Variants in CCDC141 observed in about 807,000 individuals in gnomAD.
CCDC141 encodes the protein coiled-coil domain containing 141.
In CCDC141, 168 loss-of-function variants were observed where a neutral mutation model predicts 181.0. The ratio of observed to expected loss-of-function variants is 0.93; its 90% CI spans 0.82 to 1.05. The LOEUF is 1.05. Among genes scored for constraint, CCDC141 ranks in the 50% least tolerant of loss-of-function variants. The probability of loss-of-function intolerance (pLI) is 0.00; values close to 1 mark genes in which losing one functional copy is unlikely to be tolerated. For missense variants in CCDC141, 1,902 were observed against 1,788.5 expected, an observed-to-expected ratio of 1.06 and a Z score of -1.14; for synonymous variants, 666 against 642.3, an observed-to-expected ratio of 1.04 and a Z score of -0.56.
At chr2:178,909,119 C>A (rs755294035) in intron 7 of CCDC141, among the ~76,000 whole-genome samples, 2 of 152,166 alleles carry the variant, frequency 1.3e-5, no homozygotes, top group Admixed American at 6.5e-5. Flanking sequence ...TCATTGAATG[C>A]ATGTGAGATA....
Position 179,050,136 on chromosome 2 carries a change from G to A in CCDC141, c.-195C>T, listed in dbSNP as rs1403126116. 1.1e-5 allele frequency: 8 copies of A among 750,404 alleles called. No homozygotes were observed. 46.5% of individuals were successfully genotyped at this position (750,404 alleles called of 1,614,324 possible). On this transcript the variant is annotated 5_prime_UTR_variant, in exon 1 of 24. Transcript: ENST00000443758. The stretch of plus-strand genomic sequence containing the variant: ...TGAGTTTATCGTGAGAGAGAAAGGA[G>A]CGAACGAGAGAGAATTGCCACGCCC...
At chr2:178,958,758 C>T (rs999608609) in intron 5 of CCDC141, among the ~76,000 whole-genome samples, 3 of 151,706 alleles carry the variant, frequency 2.0e-5, no homozygotes, top group African/African-American at 4.8e-5. Flanking sequence ...GGATGATTAC[C>T]GCTATAGTCA....
At chr2:178,836,650 CA>C (rs531004084) in intron 23 of CCDC141, 168 of 393,934 alleles carry the variant, frequency 4.3e-4, no homozygotes, top group African/African-American at 3.0e-3. Flanking sequence ...AACCAACCTA[CA>C]GTGCTTTGGA....
downstream of CCDC141, among the ~76,000 whole-genome samples, chr2:178,829,016 G>GT (rs1188831019): frequency 6.6e-6 from 1 of 152,130 alleles, no homozygotes; most frequent in African/African-American, 2.4e-5. Flanking sequence ...AAGTATTGAT[G>GT]TTTACATGCA....
At chr2:178,982,412 T>C (rs1029634585) in intron 2 of CCDC141, among the ~76,000 whole-genome samples, 1 of 152,166 alleles carries the variant, frequency 6.6e-6, no homozygotes, top group Non-Finnish European at 1.5e-5. Context: ...GAAAGACTTG[T>C]ACATTGAAAA....
chr2:178,911,537 T>A (rs1003055557), intron 7 of CCDC141, among the ~76,000 whole-genome samples: 1 of 152,238 alleles, frequency 6.6e-6, no homozygotes, highest in African/African-American at 2.4e-5. Flanking sequence ...CCATTTATTT[T>A]ACACTCCAAC....
intron 2 of CCDC141, among the ~76,000 whole-genome samples, chr2:179,017,342 ACTT>A (rs1437404470): frequency 6.6e-6 from 1 of 152,144 alleles, no homozygotes; most frequent in Non-Finnish European, 1.5e-5. Flanking sequence ...ATGAGCTTCC[ACTT>A]CTTACTTACA....
In CCDC141 at chr2:178,865,978, T is replaced by G; in HGVS notation, c.2575-62A>C. 3 of 1,255,174 alleles carry G rather than the reference T, an allele frequency of 2.4e-6. No individual in the cohort carries two copies. In the South Asian group the frequency reaches 8.8e-5, roughly 37 times the overall value. 77.8% of individuals were successfully genotyped at this position (1,255,174 alleles called of 1,614,324 possible). On this transcript the variant is annotated intron_variant, in intron 16 of 23. Transcript: ENST00000443758. ...CGAAACAGCAATAAGACGAGTAGGC[T>G]ATTTACCTGAATTATGAAACTCATA...
At position 178,872,198 on chromosome 2, in the gene CCDC141, G is replaced by A. The variant is rs1437032446; in HGVS notation, c.2014C>T (p.Leu672Phe). ...CCAGGCTTGCTTTCCGTGGCTTTAAGCTGCCATGCCAGCCGAAGGAGGCTA... is the reference window on the plus strand; with the variant it reads ...CCAGGCTTGCTTTCCGTGGCTTTAAACTGCCATGCCAGCCGAAGGAGGCTA... The part of the protein sequence containing the change: ...ELSLLRLAWQ[L>F]KATESKPGKQ... The change falls in exon 13 of 24, where the codon CTT becomes TTT. Residue 672 changes from leucine to phenylalanine, a missense_variant. Physicochemically the swap from Leu to Phe is conservative, Grantham distance 22 (BLOSUM62 0). Transcript: ENST00000443758. 1 of 1,613,952 alleles carries A rather than the reference G, an allele frequency of 6.2e-7. No homozygotes were observed. The highest frequency in any genetic ancestry group is 8.5e-7 in the Non-Finnish European group (1 of 1,179,944).
rs140833472 is a variant in CCDC141 at position 179,046,689 on chromosome 2, C to T, written c.225+595G>A. On this transcript the variant is annotated intron_variant, in intron 2 of 23. Coordinates refer to ENST00000443758, the MANE Select transcript of CCDC141 (RefSeq NM_173648.4). ...ACAAATGGCCCCAAATTTGTATTTG[C>T]CCTGGGTCCCACAGATTATGTAGCT... Among the ~76,000 whole-genome samples, 689 of 152,284 alleles carry T rather than the reference C, an allele frequency of 4.5e-3. 2 individuals are homozygous for T. The highest frequency in any genetic ancestry group is 0.016 in the African/African-American group (660 of 41,552).
chr2:178,877,650 C>T (rs1249544253), intron 12 of CCDC141: 2 of 377,438 alleles, frequency 5.3e-6, no homozygotes, highest in Non-Finnish European at 9.3e-6. Flanking sequence ...GACCTTGTTG[C>T]ATGCTTTCAA....
At chr2:178,820,544 C>T in the CCDC141 span, among the ~76,000 whole-genome samples, 1 of 152,012 alleles carries the variant, frequency 6.6e-6, no homozygotes, top group East Asian at 1.9e-4. Context: ...GAGGCTCAAG[C>T]TTAATTTGGA....
chr2:178,925,428 C>T (rs1688872171), intron 6 of CCDC141, among the ~76,000 whole-genome samples: 1 of 152,114 alleles, frequency 6.6e-6, no homozygotes, highest in South Asian at 2.1e-4. Context: ...AAGCAAATGG[C>T]TATGTGGCAA....
In CCDC141 at chr2:178,838,675, C is replaced by A. The variant is rs1489481; in HGVS notation, c.3475-931G>T. Among the ~76,000 whole-genome samples the A allele has an allele frequency of 2.6e-5, 4 of 152,172 alleles. No homozygotes were observed. The South Asian group carries it at 6.2e-4, about 24-fold the overall frequency. The stretch of plus-strand genomic sequence containing the variant: ...AGGAGATGATATCCTAGTGGAGGAG[C>A]CAGATATTAATGGAACAATCAGACT... On this transcript the variant is annotated intron_variant, in intron 22 of 23. Transcript: ENST00000443758.
At chr2:178,825,537 T>C (rs1684110329), downstream of CCDC141, 1 of 152,198 alleles carries the variant, frequency 6.6e-6, no homozygotes, top group East Asian at 1.9e-4. Context: ...AAATTTGATT[T>C]ATGTTTCACA....
At chr2:178,864,492 A>G (rs887346561) in intron 17 of CCDC141, among the ~76,000 whole-genome samples, 1 of 152,210 alleles carries the variant, frequency 6.6e-6, no homozygotes, top group African/African-American at 2.4e-5. Context: ...TCTCTAGCCA[A>G]AAGTAACTCC....
chr2:179,043,332 A>T (rs544033686), intron 2 of CCDC141, among the ~76,000 whole-genome samples: 2 of 152,210 alleles, frequency 1.3e-5, no homozygotes, highest in Non-Finnish European at 2.9e-5. Context: ...AAACTATTCC[A>T]AAAATTGAGG....
At chr2:178,828,658 A>C (rs1489960230), downstream of CCDC141, among the ~76,000 whole-genome samples, 1 of 152,150 alleles carries the variant, frequency 6.6e-6, no homozygotes, top group Non-Finnish European at 1.5e-5. Flanking sequence ...CTGCCAAGTA[A>C]GTGGTTTCCT....
chr2:178,884,233 T>A (rs1230674526), intron 11 of CCDC141, among the ~76,000 whole-genome samples: 13 of 129,442 alleles, frequency 1.0e-4, no homozygotes, highest in South Asian at 2.8e-4. Flanking sequence ...CCTTGAATAA[T>A]GTGAAGAAAA....
Sources: gnomAD v4.1 joint callset for allele counts (sites outside exome capture counted in the v4.1 genomes callset) on GRCh38, gnomAD v4.1.1 for gene constraint, MANE v1.5 for transcripts, NCBI Gene and HGNC (gene_info 2026-07-23, HGNC 2026-07-21) for gene names.